GRIA2: variants seen among roughly 807,000 people sequenced by gnomAD.
GRIA2 encodes the protein glutamate ionotropic receptor AMPA type subunit 2.
A neutral mutation model predicts 97.3 loss-of-function variants in GRIA2; 14 were observed. The ratio of observed to expected loss-of-function variants is 0.14; its 90% CI spans 0.10 to 0.23. GRIA2 has a LOEUF of 0.23. GRIA2 is among the 10% of genes least tolerant of loss of function. The pLI is 1.00. For missense variants in GRIA2, 558 were observed against 1,069.8 expected (o/e 0.52, Z 6.67); for synonymous variants, 412 against 387.8 (o/e 1.06, Z -0.73).
intron 13 of GRIA2, 152 bp downstream of exon 13, chr4:157,360,295 C>T (rs956907862): frequency 1.1e-5 from 8 of 695,726 alleles, no homozygotes; most frequent in Non-Finnish European, 1.7e-5. Flanking sequence ...TGTTTTTAAA[C>T]ATTTAGATAC....
At chr4:157,272,526 C>A (rs1732080039) in intron 2 of GRIA2, among the ~76,000 whole-genome samples, 1 of 152,016 alleles carries the variant, frequency 6.6e-6, no homozygotes, top group Non-Finnish European at 1.5e-5. Context: ...GTTAAAAACT[C>A]CAGGGAGACC....
chr4:157,283,609 C>A (rs1043098544), intron 2 of GRIA2, among the ~76,000 whole-genome samples: 1 of 151,880 alleles, frequency 6.6e-6, no homozygotes, highest in Admixed American at 6.6e-5. Context: ...ACATCTTTGT[C>A]AGTTTGGATA....
chr4:157,282,762 T>G (rs1212488734), intron 2 of GRIA2, among the ~76,000 whole-genome samples: 1 of 152,124 alleles, frequency 6.6e-6, no homozygotes, highest in Non-Finnish European at 1.5e-5. Flanking sequence ...TCCCTCCATA[T>G]GCCTGTGTAG....
intron 2 of GRIA2, among the ~76,000 whole-genome samples, chr4:157,231,625 A>AT (rs1159954473): frequency 6.6e-6 from 1 of 152,186 alleles, no homozygotes; most frequent in East Asian, 1.9e-4. Flanking sequence ...ACAATATGGA[A>AT]TGTACGACTA....
intron 3 of GRIA2, among the ~76,000 whole-genome samples, chr4:157,306,944 C>T (rs911342986): frequency 5.9e-5 from 9 of 152,086 alleles, no homozygotes; most frequent in African/African-American, 2.2e-4. Context: ...GAAAATAGAT[C>T]CCATGGTTTC....
At chr4:157,271,650 G>T (rs1732028279) in intron 2 of GRIA2, among the ~76,000 whole-genome samples, 2 of 152,014 alleles carry the variant, frequency 1.3e-5, no homozygotes, top group African/African-American at 2.4e-5. Flanking sequence ...GGCATGATTG[G>T]TTAAACCACT....
At chr4:157,305,801 T>A (rs919861369) in intron 3 of GRIA2, among the ~76,000 whole-genome samples, 1 of 152,120 alleles carries the variant, frequency 6.6e-6, no homozygotes, top group Non-Finnish European at 1.5e-5. Flanking sequence ...GTTCATTCTG[T>A]CACTTAAGAA....
chr4:157,261,938 G>C (rs886086154), intron 2 of GRIA2, among the ~76,000 whole-genome samples: 2 of 151,876 alleles, frequency 1.3e-5, no homozygotes, highest in Non-Finnish European at 1.5e-5. Flanking sequence ...AAATTATTTT[G>C]TTCTTTCCAT....
chr4:157,283,694 C>T (rs1255119743), intron 2 of GRIA2, among the ~76,000 whole-genome samples: 7 of 151,570 alleles, frequency 4.6e-5, no homozygotes, highest in East Asian at 1.9e-4. Flanking sequence ...TCTAATTTTC[C>T]TTTGTGTTTT....
chr4:157,235,674 T>C (rs1427050209), intron 2 of GRIA2, among the ~76,000 whole-genome samples: 1 of 152,072 alleles, frequency 6.6e-6, no homozygotes, highest in African/African-American at 2.4e-5. Flanking sequence ...ATTGCAGATC[T>C]GTTAAAAAGT....
At chr4:157,335,540 G>T in intron 9 of GRIA2, 131 bp from the exon 10 acceptor site, 1 of 643,230 alleles carries the variant, frequency 1.6e-6, no homozygotes. Context: ...CTCTACTGTT[G>T]TGTGTTCACC....
chr4:157,231,918 A>G (rs577471013), intron 2 of GRIA2, among the ~76,000 whole-genome samples: 34 of 152,220 alleles, frequency 2.2e-4, no homozygotes, highest in Non-Finnish European at 4.6e-4. Context: ...TTTAAAAAGT[A>G]TTAGTATGTC....
intron 4 of GRIA2, 130 bp from the exon 5 acceptor site, chr4:157,317,528 C>A: frequency 4.9e-6 from 2 of 411,042 alleles, no homozygotes; most frequent in South Asian, 7.0e-5. Flanking sequence ...TCAAAAATGA[C>A]TTATTTTGGC....
intron 2 of GRIA2, among the ~76,000 whole-genome samples, chr4:157,275,081 C>G (rs1207586435): frequency 6.6e-6 from 1 of 152,058 alleles, no homozygotes; most frequent in African/African-American, 2.4e-5. Flanking sequence ...GAGATGGTAT[C>G]TCATTGTGGT....
chr4:157,290,154 A>G (rs1227038230), intron 2 of GRIA2, among the ~76,000 whole-genome samples: 2 of 151,894 alleles, frequency 1.3e-5, no homozygotes, highest in Admixed American at 1.3e-4. Context: ...TTCCCAAAGC[A>G]TTTTTAAAAA....
In GRIA2 at chr4:157,361,457, CA is replaced by C. The variant is rs1736627220; in HGVS notation, c.2406+336del. On this transcript the variant is annotated intron_variant, in intron 14 of 15. Transcript: ENST00000264426. This position sits in a 1 kb window ranked among gnomAD's most constrained non-coding sequence, Gnocchi z 5.2. Reference sequence around the variant, plus strand: ...GGCGCATCAATGACTATCGCTCTTACAAAGCTCTTGAATCAGTATTATGTAA... The same window carrying C: ...GGCGCATCAATGACTATCGCTCTTACAAGCTCTTGAATCAGTATTATGTAA... The C allele has an allele frequency of 8.1e-6, 9 of 1,107,522 alleles. No individual in the cohort carries two copies. Among genetic ancestry groups the C allele is most frequent in the Middle Eastern group, 2.8e-4 (1 of 3,612 alleles). 68.6% of individuals were successfully genotyped at this position (1,107,522 alleles called of 1,614,324 possible).
chr4:157,241,225 A>T (rs1297530542), intron 2 of GRIA2, among the ~76,000 whole-genome samples: 1 of 152,144 alleles, frequency 6.6e-6, no homozygotes, highest in Non-Finnish European at 1.5e-5. Context: ...TGAAAATTAC[A>T]TTTCCTTAGA....
At chr4:157,240,706 T>A (rs553229128) in intron 2 of GRIA2, among the ~76,000 whole-genome samples, 2 of 152,078 alleles carry the variant, frequency 1.3e-5, no homozygotes, top group African/African-American at 4.8e-5. Flanking sequence ...TACTTTCTTT[T>A]TTTTTTTCTT....
intron 2 of GRIA2, among the ~76,000 whole-genome samples, chr4:157,299,614 G>A (rs1297940768): frequency 1.3e-5 from 2 of 151,688 alleles, no homozygotes; most frequent in East Asian, 3.9e-4. Flanking sequence ...AGTGACCTAA[G>A]AGAAAAAGAT....
Sources: allele counts gnomAD v4.1 joint callset (sites outside exome capture counted in the v4.1 genomes callset), GRCh38; gene constraint gnomAD v4.1.1; non-coding constraint Gnocchi (gnomAD v3.1); transcripts MANE v1.5; gene names NCBI Gene and HGNC (gene_info 2026-07-23, HGNC 2026-07-21).